INPP4B: variants seen among roughly 807,000 people sequenced by gnomAD.
The protein encoded by INPP4B is inositol polyphosphate 4-phosphatase type II.
A neutral mutation model predicts 122.5 loss-of-function variants in INPP4B; 55 were observed. The observed-to-expected ratio is 0.45, with a 90% CI of 0.36 to 0.56. The LOEUF is 0.56. Among genes scored for constraint, INPP4B ranks in the 20% least tolerant of loss-of-function variants. INPP4B has a pLI of 0.00. For missense variants in INPP4B, 1,000 were observed against 1,097.7 expected (o/e 0.91, Z 1.26); for synonymous variants, 403 against 388.7 (o/e 1.04, Z -0.43).
chr4:142,313,555 G>T (rs1330796999), intron 8 of INPP4B, among the ~76,000 whole-genome samples: 1 of 152,204 alleles, frequency 6.6e-6, no homozygotes, highest in Non-Finnish European at 1.5e-5. Flanking sequence ...AAGTGCAGCA[G>T]CCCAGGCTGA....
At chr4:142,246,137 T>A (rs549261668) in intron 11 of INPP4B, among the ~76,000 whole-genome samples, 24 of 144,916 alleles carry the variant, frequency 1.7e-4, no homozygotes, top group Non-Finnish European at 3.3e-4. Context: ...TACACACACA[T>A]ATATATATAC....
At chr4:142,748,917 G>A (rs1402555114) in intron 1 of INPP4B, among the ~76,000 whole-genome samples, 1 of 151,840 alleles carries the variant, frequency 6.6e-6, no homozygotes, top group Non-Finnish European at 1.5e-5. Flanking sequence ...AGGCATTCAG[G>A]TCACTTGTGG....
chr4:142,617,094 T>A (rs1743872391), intron 2 of INPP4B, among the ~76,000 whole-genome samples: 1 of 151,998 alleles, frequency 6.6e-6, no homozygotes, highest in Admixed American at 6.6e-5. Flanking sequence ...TCTAAAAAAA[T>A]AGAATAAAAA....
chr4:142,131,879 C>T (rs992121672), intron 18 of INPP4B, among the ~76,000 whole-genome samples: 4 of 151,690 alleles, frequency 2.6e-5, no homozygotes, highest in East Asian at 1.9e-4. Flanking sequence ...TGCTTGAACC[C>T]GGGAGGTGGA....
At chr4:142,247,190 G>C (rs960073929) in intron 11 of INPP4B, among the ~76,000 whole-genome samples, 4 of 152,172 alleles carry the variant, frequency 2.6e-5, no homozygotes, top group African/African-American at 9.7e-5. Context: ...GCTGGATTCA[G>C]TTTGCCAGCA....
intron 12 of INPP4B, among the ~76,000 whole-genome samples, chr4:142,220,858 C>T (rs1849061372): frequency 6.6e-6 from 1 of 152,072 alleles, no homozygotes. Flanking sequence ...ACAAATACTC[C>T]CTGGTGTTTC....
intron 15 of INPP4B, among the ~76,000 whole-genome samples, chr4:142,181,793 A>C (rs1421082426): frequency 6.6e-6 from 1 of 152,154 alleles, no homozygotes; most frequent in Non-Finnish European, 1.5e-5. Context: ...CAGATAGAAA[A>C]CTGATAAGGC....
intron 23 of INPP4B, among the ~76,000 whole-genome samples, chr4:142,090,813 T>A (rs192303329): frequency 1.3e-3 from 195 of 152,242 alleles, no homozygotes; most frequent in African/African-American, 4.3e-3. Context: ...CTTTAATATG[T>A]TCATAAAGAG....
chr4:142,234,660 A>G (rs1855904421), intron 12 of INPP4B, among the ~76,000 whole-genome samples: 1 of 152,268 alleles, frequency 6.6e-6, no homozygotes, highest in Admixed American at 6.5e-5. Context: ...AAAACTATAC[A>G]GCCTGGTCAT....
chr4:142,255,025 C>G (rs1734926500), intron 11 of INPP4B, among the ~76,000 whole-genome samples: 1 of 152,086 alleles, frequency 6.6e-6, no homozygotes, highest in Non-Finnish European at 1.5e-5. Flanking sequence ...ACTCTACAAG[C>G]CAGAAGAGAG....
intron 25 of INPP4B, among the ~76,000 whole-genome samples, chr4:142,035,640 T>A (rs1353724401): frequency 6.6e-6 from 1 of 152,158 alleles, no homozygotes; most frequent in Non-Finnish European, 1.5e-5. Flanking sequence ...GAAGAAAGTA[T>A]TTATGTACCA....
At chr4:142,713,141 C>T (rs1292141939) in intron 2 of INPP4B, among the ~76,000 whole-genome samples, 1 of 152,118 alleles carries the variant, frequency 6.6e-6, no homozygotes, top group African/African-American at 2.4e-5. Context: ...AGGCTAAGAG[C>T]AAAAGAGAAA....
At chr4:142,091,455 T>C (rs1779494394) in intron 23 of INPP4B, among the ~76,000 whole-genome samples, 1 of 152,226 alleles carries the variant, frequency 6.6e-6, no homozygotes, top group Admixed American at 6.5e-5. Flanking sequence ...TATTAAATTC[T>C]GTGTCACCTC....
At chr4:142,041,147 T>G (rs1196563458) in intron 25 of INPP4B, among the ~76,000 whole-genome samples, 1 of 152,022 alleles carries the variant, frequency 6.6e-6, no homozygotes, top group Non-Finnish European at 1.5e-5. Flanking sequence ...ATAAAAAAAT[T>G]AGGATATGAG....
chr4:142,745,850 TAAA>T (rs777698355), intron 1 of INPP4B, among the ~76,000 whole-genome samples: 1 of 151,766 alleles, frequency 6.6e-6, no homozygotes, highest in African/African-American at 2.4e-5. Flanking sequence ...TTCAAAATAA[TAAA>T]AGAGTAAACT....
At chr4:142,342,103 T>C (rs949309622) in intron 7 of INPP4B, among the ~76,000 whole-genome samples, 3 of 152,126 alleles carry the variant, frequency 2.0e-5, no homozygotes, top group African/African-American at 7.2e-5. Context: ...AATCCTCAGA[T>C]TCCTTTTGGG....
At chr4:142,117,129 G>C (rs1476659077) in intron 21 of INPP4B, among the ~76,000 whole-genome samples, 2 of 152,078 alleles carry the variant, frequency 1.3e-5, no homozygotes, top group Admixed American at 6.6e-5. Context: ...TTGAATCCCT[G>C]AATAGACCAA....
chr4:142,097,203 A>AT (rs1782189369), intron 23 of INPP4B, among the ~76,000 whole-genome samples: 1 of 102,764 alleles, frequency 9.7e-6, no homozygotes, highest in Non-Finnish European at 2.1e-5. Flanking sequence ...AGCCATGTCC[A>AT]TTTTTTGTTT....
At chr4:142,719,482 C>T (rs1476656609) in intron 2 of INPP4B, among the ~76,000 whole-genome samples, 1 of 151,730 alleles carries the variant, frequency 6.6e-6, no homozygotes, top group African/African-American at 2.4e-5. Context: ...CCGTCACATG[C>T]CCAGCTAATT....
Sources: allele counts gnomAD v4.1 joint callset (sites outside exome capture counted in the v4.1 genomes callset), GRCh38; gene constraint gnomAD v4.1.1; transcripts MANE v1.5; gene names NCBI Gene and HGNC (gene_info 2026-07-23, HGNC 2026-07-21).